Variants in FAM186A observed in about 807,000 individuals in gnomAD.
FAM186A encodes the protein family with sequence similarity 186 member A.
FAM186A carries 163 observed loss-of-function variants against 216.8 expected under a neutral mutation model. That is an observed-to-expected ratio of 0.75 (90% CI 0.66 to 0.86). FAM186A has a LOEUF of 0.86. FAM186A is among the 40% of genes least tolerant of loss of function. The probability of loss-of-function intolerance (pLI) is 0.00; values close to 1 mark genes in which losing one functional copy is unlikely to be tolerated. For missense variants in FAM186A, 2,184 were observed against 2,746.2 expected (o/e 0.80, Z 4.58); for synonymous variants, 805 against 1,025.3 (o/e 0.79, Z 4.10).
chr12:50,368,977 A>C (rs932528996), intron 1 of FAM186A, among the ~76,000 whole-genome samples: 3 of 149,712 alleles, frequency 2.0e-5, no homozygotes, highest in African/African-American at 5.0e-5. Flanking sequence ...AAAAAAAAAA[A>C]AACACACACA....
intron 2 of FAM186A, among the ~76,000 whole-genome samples, chr12:50,362,743 C>CAAAAAAA (rs10654604): frequency 1.2e-5 from 1 of 85,900 alleles, no homozygotes; most frequent in African/African-American, 4.6e-5. Context: ...GAACCTGTCT[C>CAAAAAAA]AAAAAAAAAA....
At chr12:50,329,599 CTTTT>C (rs879714835) in intron 7 of FAM186A, among the ~76,000 whole-genome samples, 1 of 140,234 alleles carries the variant, frequency 7.1e-6, no homozygotes, top group Admixed American at 7.2e-5. Context: ...ATTAACACTA[CTTTT>C]TTTTTTTTTT....
In FAM186A at chr12:50,352,794, GGC is replaced by G; in HGVS notation, c.4036_4037del (p.Ala1346LeufsTer320). 6.5e-7 allele frequency: 1 copy of G among 1,540,322 alleles called. No individual in the cohort carries two copies. On this transcript the variant is annotated frameshift_variant, in exon 4 of 8. Transcript: ENST00000327337. LOFTEE classifies it high-confidence loss of function. ...EITLTPQQAQALGMPLTTQQA... is the reference protein window; with the variant it reads ...EITLTPQQAQXLGMPLTTQQA... ...GCTGAGTGGTGAGAGGCATCCCCAA[GGC>G]CTGGGCCTGCTGAGGGGTGAGAGTG...
intron 7 of FAM186A, among the ~76,000 whole-genome samples, chr12:50,328,338 C>T (rs1346790538): frequency 6.6e-6 from 1 of 152,124 alleles, no homozygotes; most frequent in Non-Finnish European, 1.5e-5. Context: ...TGTGCCACTG[C>T]ACTCTAGCCT....
In FAM186A at chr12:50,356,252, A is replaced by G; in HGVS notation, c.584-4T>C. On this transcript the variant is annotated splice_polypyrimidine_tract_variant and splice_region_variant and intron_variant, in intron 3 of 7. Coordinates refer to ENST00000327337, the MANE Select transcript of FAM186A (RefSeq NM_001145475.3). ...TTCCATAGAGTACCTCTAGATACTG[A>G]AGAACAAAACATAAAACAGTGAGAT... The G allele has an allele frequency of 6.6e-7, 1 of 1,522,308 alleles. No individual in the cohort carries two copies. Among genetic ancestry groups the G allele is most frequent in the South Asian group, 1.3e-5 (1 of 79,094 alleles). 94.3% of individuals were successfully genotyped at this position (1,522,308 alleles called of 1,614,324 possible).
chr12:50,352,864 A>AATTGCT lies in FAM186A; in HGVS notation c.3967_3968insAGCAAT (p.Ala1322_Leu1323insGlnGln), dbSNP rs1942915467. On this transcript the variant is annotated inframe_insertion, in exon 4 of 8. Coordinates refer to ENST00000327337, the MANE Select transcript of FAM186A (RefSeq NM_001145475.3). ...CTGCTGAGGGGTGAGAGGGATCCCC[A>AATTGCT]GGGCCTGCGCCTGCTGAGGGGTGAA... 2.0e-6 allele frequency: 3 copies of AATTGCT among 1,537,578 alleles called. No homozygotes were observed. Among genetic ancestry groups the AATTGCT allele is most frequent in the Admixed American group, 2.0e-5 (1 of 49,608 alleles).
At chr12:50,361,293 G>C (rs916136485) in intron 2 of FAM186A, among the ~76,000 whole-genome samples, 2 of 152,220 alleles carry the variant, frequency 1.3e-5, no homozygotes, top group Admixed American at 6.5e-5. Context: ...CTGCCTCCCA[G>C]GTTCAAGCGA....
chr12:50,352,374 C>T lies in FAM186A; in HGVS notation c.4458G>A (p.Pro1486=), dbSNP rs1407220768. Reference sequence around the variant, plus strand: ...GAGGGATCCCCAATTCCTGAGCCTGCGGAGGGATGAGAGGGATCCCCAGGG... The same window carrying T: ...GAGGGATCCCCAATTCCTGAGCCTGTGGAGGGATGAGAGGGATCCCCAGGG... ...AQALGIPLIP[P]QAQELGIPLT... The change falls in exon 4 of 8, where the codon CCG becomes CCA. Residue 1486 remains proline (P), a synonymous_variant. Coordinates refer to ENST00000327337, the MANE Select transcript of FAM186A (RefSeq NM_001145475.3). The T allele has an allele frequency of 1.9e-6, 3 of 1,540,400 alleles. No individual in the cohort carries two copies. The highest frequency in any genetic ancestry group is 2.9e-5 in the African/African-American group (2 of 68,942).
intron 1 of FAM186A, among the ~76,000 whole-genome samples, chr12:50,372,721 T>C (rs1943153211): frequency 1.3e-5 from 2 of 150,038 alleles, no homozygotes; most frequent in South Asian, 4.2e-4. Flanking sequence ...CCCAAGATGG[T>C]GAAACCCCAT....
At chr12:50,347,917 T>C (rs1164994551) in intron 4 of FAM186A, among the ~76,000 whole-genome samples, 1 of 152,082 alleles carries the variant, frequency 6.6e-6, no homozygotes, top group Admixed American at 6.6e-5. Context: ...TTTTTGTTGT[T>C]TTTTTGAGAC....
chr12:50,379,001 G>A (rs1474710726), intron 1 of FAM186A, among the ~76,000 whole-genome samples: 1 of 152,138 alleles, frequency 6.6e-6, no homozygotes, highest in African/African-American at 2.4e-5. Context: ...CTGCACAATG[G>A]ATTATTTAAA....
At chr12:50,358,647 AG>A (rs1211932717) in intron 3 of FAM186A, among the ~76,000 whole-genome samples, 1 of 152,040 alleles carries the variant, frequency 6.6e-6, no homozygotes, top group Non-Finnish European at 1.5e-5. Flanking sequence ...AAACTCGGCC[AG>A]GCGCAGTGGC....
chr12:50,364,487 G>A lies in FAM186A; in HGVS notation c.193-1123C>T, dbSNP rs192054103. ...GCAGGAGAATAGCATGAACCCGGGAGGTGGAGCTTACAGTGAGCCGAGATC... is the reference window on the plus strand; with the variant it reads ...GCAGGAGAATAGCATGAACCCGGGAAGTGGAGCTTACAGTGAGCCGAGATC... On this transcript the variant is annotated intron_variant, in intron 1 of 7. Coordinates refer to ENST00000327337, the MANE Select transcript of FAM186A (RefSeq NM_001145475.3). 5.1e-3 allele frequency among the ~76,000 whole-genome samples: 776 copies of A among 151,996 alleles called. 2 individuals carry two copies. The highest frequency in any genetic ancestry group is 7.5e-3 in the Non-Finnish European group (510 of 67,984).
At chr12:50,345,373 C>T (rs886961844) in intron 4 of FAM186A, among the ~76,000 whole-genome samples, 2 of 152,030 alleles carry the variant, frequency 1.3e-5, no homozygotes, top group Non-Finnish European at 2.9e-5. Context: ...CACTGCCCTC[C>T]AACCTGGGCA....
rs1369636508 is a variant in FAM186A, at chr12:50,334,008, T to A, written c.6599A>T (p.Tyr2200Phe). 6 of 1,551,724 alleles carry A rather than the reference T, an allele frequency of 3.9e-6. No homozygotes were observed. The highest frequency in any genetic ancestry group is 2.4e-5 in the South Asian group (2 of 84,066). ...CCAGACCTGCATCACCTTTTTCCCGTAGTCATCAAGTCTGCTCAGCATCAT... is the reference window on the plus strand; with the variant it reads ...CCAGACCTGCATCACCTTTTTCCCGAAGTCATCAAGTCTGCTCAGCATCAT... ...LHMMLSRLDD[Y>F]GKKVMQVWTE... The change falls in exon 5 of 8, where the codon TAC (tyrosine) becomes TTC (phenylalanine). Residue 2200 changes from tyrosine (Y) to phenylalanine (F), a missense_variant. Physicochemically the swap from Tyr to Phe is conservative, Grantham distance 22. Around this residue, in one of 7 missense-constraint regions of FAM186A, gnomAD observed 721 missense variants for 816.4 expected, o/e 0.88. Transcript: ENST00000327337.
intron 1 of FAM186A, among the ~76,000 whole-genome samples, chr12:50,394,774 C>G (rs868251643): frequency 2.4e-5 from 2 of 83,464 alleles, no homozygotes; most frequent in Middle Eastern, 9.8e-3. Flanking sequence ...GATAGAGTCC[C>G]TCTGTCACCA....
chr12:50,355,361 T>A lies in FAM186A; in HGVS notation c.1471A>T (p.Ser491Cys). The part of the protein sequence containing the change: ...SGQKVSEAKP[S>C]QYYELQVLKK... ...AGTACTTGTAGCTCATAGTATTGACTAGGTTTGGCCTCTGAGACTTTCTGT... is the reference window on the plus strand; with the variant it reads ...AGTACTTGTAGCTCATAGTATTGACAAGGTTTGGCCTCTGAGACTTTCTGT... The change falls in exon 4 of 8, where the codon AGT becomes TGT. Residue 491 changes from serine (S) to cysteine (C), a missense_variant. Coordinates refer to ENST00000327337, the MANE Select transcript of FAM186A (RefSeq NM_001145475.3). 1 of 1,551,436 alleles carries A rather than the reference T, an allele frequency of 6.4e-7. No individual in the cohort carries two copies. The highest frequency in any genetic ancestry group is 8.7e-7 in the Non-Finnish European group (1 of 1,146,966).
chr12:50,373,453 G>T (rs1000948181), intron 1 of FAM186A, among the ~76,000 whole-genome samples: 1 of 152,140 alleles, frequency 6.6e-6, no homozygotes, highest in African/African-American at 2.4e-5. Context: ...TTTCCAAAAA[G>T]TTGAAGAGGA....
At chr12:50,379,332 C>T (rs7300828) in intron 1 of FAM186A, among the ~76,000 whole-genome samples, 106,561 of 151,432 alleles carry the variant, frequency 0.7, 43,944 homozygotes, top group Non-Finnish European at 0.93. Flanking sequence ...CCCAGCTACT[C>T]GGGAGGCTGA....
Sources: allele counts gnomAD v4.1 joint callset (sites outside exome capture counted in the v4.1 genomes callset), GRCh38; gene constraint gnomAD v4.1.1; regional missense constraint gnomAD v4.1.1; transcripts MANE v1.5; gene names NCBI Gene and HGNC (gene_info 2026-07-23, HGNC 2026-07-21).